Variants in ZCRB1 observed in about 807,000 individuals in gnomAD.
ZCRB1 encodes zinc finger CCHC-type and RNA binding motif containing 1.
A neutral mutation model predicts 29.9 loss-of-function variants in ZCRB1; 21 were observed. The ratio of observed to expected loss-of-function variants is 0.70; its 90% CI spans 0.50 to 1.01. The LOEUF (loss-of-function observed/expected upper bound fraction) is 1.01. Among genes scored for constraint, ZCRB1 ranks in the 50% least tolerant of loss-of-function variants. ZCRB1 has a pLI of 0.00. For missense variants in ZCRB1, 204 were observed against 253.3 expected (o/e 0.81, Z 1.32); for synonymous variants, 77 against 80.0 (o/e 0.96, Z 0.20).
chr12:42,321,918 C>T (rs2068623546), intron 3 of ZCRB1, among the ~76,000 whole-genome samples: 1 of 152,042 alleles, frequency 6.6e-6, no homozygotes, highest in South Asian at 2.1e-4. Flanking sequence ...TTGCATGTTT[C>T]TAGTCTTTCC....
Position 42,312,927 on chromosome 12 carries a change from T to A in ZCRB1, c.*140A>T. The stretch of plus-strand genomic sequence containing the variant: ...CCTTATAATGAACTTTTCAAATAAA[T>A]TTTTAAAATATCTTTTTTCTTGGGA... On this transcript the variant is annotated 3_prime_UTR_variant, in exon 8 of 8. Coordinates refer to ENST00000266529, the MANE Select transcript of ZCRB1 (RefSeq NM_033114.4). 2 of 953,180 alleles carry A rather than the reference T, an allele frequency of 2.1e-6. No individual in the cohort carries two copies. Among genetic ancestry groups the A allele is most frequent in the Non-Finnish European group, 1.4e-6 (1 of 726,196 alleles). The allele number at this position is 953,180 out of a possible 1,614,324, so 59.0% of individuals were successfully genotyped here.
At chr12:42,323,741 C>T in intron 2 of ZCRB1, 2 of 377,996 alleles carry the variant, frequency 5.3e-6, no homozygotes, top group South Asian at 8.1e-5. Context: ...AAGCAATCTT[C>T]CAACCTCAGT....
rs530087726 is a variant in ZCRB1, at chr12:42,317,944, AAC to A, written c.114-48_114-47del. ...TTAAAAATGAGGCAGCAATAAATAA[AAC>A]AGATACTAATACTTGAAAAATTCAT... On this transcript the variant is annotated intron_variant, in intron 3 of 7. Transcript: ENST00000266529. The A allele has an allele frequency of 5.3e-4, 759 of 1,436,452 alleles. 4 individuals carry two copies. Among genetic ancestry groups the A allele is most frequent in the Middle Eastern group, 2.7e-3 (15 of 5,600 alleles). The allele number at this position is 1,436,452 out of a possible 1,614,324, so 89.0% of individuals were successfully genotyped here. A position where few individuals can be genotyped will look rare whatever the true frequency, so the allele number is the denominator to read the frequency against.
intron 5 of ZCRB1, 143 bp downstream of exon 5, chr12:42,317,197 T>A: frequency 1.7e-6 from 1 of 597,774 alleles, no homozygotes; most frequent in Non-Finnish European, 2.8e-6. Context: ...GAAAACCCTA[T>A]CTCAAAAAAA....
rs2068574571 is a variant in ZCRB1, at chr12:42,312,528, G to A, written c.*539C>T. 6.6e-6 allele frequency: 1 copy of A among 152,118 alleles called. No homozygotes were observed. The highest frequency in any genetic ancestry group is 1.5e-5 in the Non-Finnish European group (1 of 68,002). The allele number at this position is 152,118 out of a possible 1,614,324, so 9.4% of individuals were successfully genotyped here. ...TAATTCTCCTTTATTCTTTTATTAA[G>A]TGACTGAAATATATGTACTTTATTT... On this transcript the variant is annotated 3_prime_UTR_variant, in exon 8 of 8. Transcript: ENST00000266529.
chr12:42,317,554 T>C (rs2068600792), intron 4 of ZCRB1, 107 bp from the exon 5 acceptor site: 3 of 1,008,590 alleles, frequency 3.0e-6, no homozygotes, highest in South Asian at 3.4e-5. Context: ...TTGGATTTTT[T>C]AGCAATTGTC....
intron 1 of ZCRB1, among the ~76,000 whole-genome samples, chr12:42,325,111 A>G (rs1039414254): frequency 7.2e-5 from 11 of 152,270 alleles, no homozygotes; most frequent in African/African-American, 2.7e-4. Flanking sequence ...ATATTTACAT[A>G]GCTAAACACA....
Position 42,317,982 on chromosome 12 carries a change from G to A in ZCRB1, c.114-84C>T. 4 of 1,067,306 alleles carry A rather than the reference G, an allele frequency of 3.7e-6. No homozygotes were observed. The South Asian group carries it at 4.5e-5, about 12-fold the overall frequency. 66.1% of individuals were successfully genotyped at this position (1,067,306 alleles called of 1,614,324 possible). A position where few individuals can be genotyped will look rare whatever the true frequency, so the allele number is the denominator to read the frequency against. ...ACTTGAAAAATTCATTTTAAAAAGG[G>A]CTAAAAATTTATAAGATAAATTAAT... On this transcript the variant is annotated intron_variant, in intron 3 of 7. Coordinates refer to ENST00000266529, the MANE Select transcript of ZCRB1 (RefSeq NM_033114.4).
chr12:42,324,131 A>C, intron 1 of ZCRB1, 27 bp from the exon 2 acceptor site: 1 of 1,595,240 alleles, frequency 6.3e-7, no homozygotes, highest in Non-Finnish European at 8.6e-7. Flanking sequence ...ACTTATCAGC[A>C]ATCAGTCTAA....
intron 3 of ZCRB1, among the ~76,000 whole-genome samples, chr12:42,321,581 TACACAGA>T (rs923165261): frequency 6.6e-6 from 1 of 152,200 alleles, no homozygotes; most frequent in African/African-American, 2.4e-5. Flanking sequence ...CCCAAAAATT[TACACAGA>T]AGCATTTTTG....
intron 5 of ZCRB1, among the ~76,000 whole-genome samples, chr12:42,315,923 A>ATC: frequency 6.6e-6 from 1 of 152,078 alleles, no homozygotes; most frequent in African/African-American, 2.4e-5. Flanking sequence ...CAGTCTGTTT[A>ATC]TTTAGTTATC....
In ZCRB1 at chr12:42,317,397, T is replaced by G; in HGVS notation, c.276A>C (p.Ala92=). 6.2e-7 allele frequency: 1 copy of G among 1,613,086 alleles called. No individual in the cohort carries two copies. The highest frequency in any genetic ancestry group is 8.5e-7 in the Non-Finnish European group (1 of 1,179,738). ...AGTTTCGCCTTCGGATGAACTCAGC[T>G]GCTCTTCCATTGTCAATAGCAATGC... The part of the protein sequence containing the change: ...KASIAIDNGR[A]AEFIRRRNYF... Residue 92 remains alanine (A), a synonymous_variant, in exon 5 of 8, where the codon GCA becomes GCC. Coordinates refer to ENST00000266529, the MANE Select transcript of ZCRB1 (RefSeq NM_033114.4).
chr12:42,322,629 G>A (rs1017410157), intron 2 of ZCRB1, among the ~76,000 whole-genome samples, 183 bp from the exon 3 acceptor site: 5 of 152,090 alleles, frequency 3.3e-5, no homozygotes, highest in African/African-American at 1.2e-4. Context: ...ACTGTTGTTG[G>A]AGTCACATGT....
chr12:42,314,031 T>C, intron 5 of ZCRB1, 45 bp from the exon 6 acceptor site: 1 of 1,559,294 alleles, frequency 6.4e-7, no homozygotes, highest in East Asian at 2.3e-5. Context: ...CCATATTTGA[T>C]GTTATTTATA....
At position 42,322,426 on chromosome 12, in the gene ZCRB1, T is replaced by A. The variant is rs2068626339; in HGVS notation, c.105A>T (p.Lys35Asn). ...TTAATGTGAATACTTACTTTACAAC[T>A]TTGCCATACTTGGAAAATATCTGAA... Reference protein sequence around the residue: ...DLYRIFSKYGKVVKVTIMKDK... With the variant: ...DLYRIFSKYGNVVKVTIMKDK... The change falls in exon 3 of 8, where the codon AAA becomes AAT. Residue 35 changes from lysine (K) to asparagine (N), a missense_variant. Transcript: ENST00000266529. 1 of 1,487,440 alleles carries A rather than the reference T, an allele frequency of 6.7e-7. No homozygotes were observed. The highest frequency in any genetic ancestry group is 9.1e-7 in the Non-Finnish European group (1 of 1,101,550). The allele number at this position is 1,487,440 out of a possible 1,614,324, so 92.1% of individuals were successfully genotyped here.
At position 42,313,006 on chromosome 12, in the gene ZCRB1, T is replaced by G; in HGVS notation, c.*61A>C. 7.0e-7 allele frequency: 1 copy of G among 1,422,250 alleles called. No homozygotes were observed. The highest frequency in any genetic ancestry group is 1.7e-5 in the South Asian group (1 of 58,696). 88.1% of individuals were successfully genotyped at this position (1,422,250 alleles called of 1,614,324 possible). On this transcript the variant is annotated 3_prime_UTR_variant, in exon 8 of 8. Coordinates refer to ENST00000266529, the MANE Select transcript of ZCRB1 (RefSeq NM_033114.4). ...TTAATTTTTCTTATTTTTATTAAAA[T>G]TAGCTCTTCAAGATTGTTACTAACA...
intron 5 of ZCRB1, among the ~76,000 whole-genome samples, chr12:42,314,200 T>G (rs1429720639): frequency 6.6e-6 from 1 of 151,958 alleles, no homozygotes; most frequent in African/African-American, 2.4e-5. Context: ...TAGGACTATT[T>G]AGTAGTTTTA....
chr12:42,321,837 G>C (rs1407862477), intron 3 of ZCRB1, among the ~76,000 whole-genome samples: 2 of 152,116 alleles, frequency 1.3e-5, no homozygotes, highest in Non-Finnish European at 2.9e-5. Flanking sequence ...ATTTAAAACA[G>C]TGAAATACGA....
Position 42,314,034 on chromosome 12 carries a change from T to C in ZCRB1, c.334-48A>G, listed in dbSNP as rs74078017. The C allele has an allele frequency of 5.3e-3, 8,226 of 1,556,836 alleles. 407 individuals are homozygous for C. The African/African-American group carries it at 0.1, about 19-fold the overall frequency. ...AAAGGAAAAATACCATATTTGATGT[T>C]ATTTATAAAAACTTGCCTGGTACCT... On this transcript the variant is annotated intron_variant, in intron 5 of 7. Coordinates refer to ENST00000266529, the MANE Select transcript of ZCRB1 (RefSeq NM_033114.4).
Sources: gnomAD v4.1 joint callset for allele counts (sites outside exome capture counted in the v4.1 genomes callset) on GRCh38, gnomAD v4.1.1 for gene constraint, MANE v1.5 for transcripts, NCBI Gene and HGNC (gene_info 2026-07-23, HGNC 2026-07-21) for gene names.